Variants in PHLPP1 observed in about 807,000 individuals in gnomAD.
The protein encoded by PHLPP1 is PH domain leucine-rich repeat-containing protein phosphatase 1.
Under a neutral mutation model 117.2 loss-of-function variants are expected in PHLPP1, and 42 were observed. The ratio of observed to expected loss-of-function variants is 0.36; its 90% confidence interval spans 0.28 to 0.46. PHLPP1 has a LOEUF of 0.46. PHLPP1 is among the 20% of genes least tolerant of loss of function. PHLPP1 has a pLI of 1.00. For synonymous variants in PHLPP1, 1,042 were observed against 970.7 expected (o/e 1.07, Z -1.37); for missense variants, 2,084 against 2,241.9 (o/e 0.93, Z 1.42).
chr18:62,836,480 T>A (rs1259512521), intron 2 of PHLPP1, among the ~76,000 whole-genome samples: 1 of 93,094 alleles, frequency 1.1e-5, no homozygotes, highest in Admixed American at 1.3e-4. Flanking sequence ...AATAAATAAA[T>A]AAATAAAAAT....
At chr18:62,718,213 T>C (rs1042378074) in intron 1 of PHLPP1, among the ~76,000 whole-genome samples, 1 of 152,238 alleles carries the variant, frequency 6.6e-6, no homozygotes, top group Admixed American at 6.5e-5. Context: ...AATAATTATG[T>C]TCTCAGTGAT....
rs1911284209 is a variant in PHLPP1 at position 62,978,792 on chromosome 18, G to A, written c.4515G>A (p.Glu1505=). The change falls in exon 17 of 17, where the codon GAG becomes GAA. Residue 1505 remains glutamate (E), a synonymous_variant. Coordinates refer to ENST00000262719, the MANE Select transcript of PHLPP1 (RefSeq NM_194449.4). This position sits in a 1 kb window ranked among gnomAD's most constrained non-coding sequence, Gnocchi z 7.0. ...AGCCCCCGCCCGGAGCCCTAAGCGA[G>A]AACAGCCCTGCCTACCCCAGTGAGC... The part of the protein sequence containing the change: ...SDEPPPGALS[E]NSPAYPSEQR... 1.2e-6 allele frequency: 2 copies of A among 1,612,320 alleles called. No homozygotes were observed. The highest frequency in any genetic ancestry group is 1.7e-6 in the Non-Finnish European group (2 of 1,179,392).
chr18:62,880,526 T>C (rs1487201602), intron 4 of PHLPP1, among the ~76,000 whole-genome samples: 1 of 152,120 alleles, frequency 6.6e-6, no homozygotes, highest in East Asian at 1.9e-4. Context: ...TGTTTTGTTA[T>C]TGTAATATTT....
At chr18:62,816,835 G>A (rs1914293023) in intron 1 of PHLPP1, among the ~76,000 whole-genome samples, 1 of 151,936 alleles carries the variant, frequency 6.6e-6, no homozygotes, top group African/African-American at 2.4e-5. Flanking sequence ...TATTAAATAA[G>A]ACATCATTTC....
At position 62,715,775 on chromosome 18, in the gene PHLPP1, C is replaced by G. The variant is rs1910701742; in HGVS notation, c.92C>G (p.Ala31Gly). 3.3e-6 allele frequency: 3 copies of G among 902,090 alleles called. No homozygotes were observed. Among genetic ancestry groups the G allele is most frequent in the Non-Finnish European group, 4.1e-6 (3 of 733,840 alleles). The allele number at this position is 902,090 out of a possible 1,614,324, so 55.9% of individuals were successfully genotyped here. ...GCTCCGGCGGCCGCCGCTGCGGCAG[C>G]AGCAGCAGCAGCGGCGGCCGCGGCG... ...ASAPAAAAAA[A>G]AAAAAAAAAL... The change falls in exon 1 of 17, where the codon GCA becomes GGA. Residue 31 changes from alanine (A) to glycine (G), a missense_variant. Around this residue, in one of 2 missense-constraint regions of PHLPP1, gnomAD observed 719 missense variants for 636.0 expected, o/e 1.13. Coordinates refer to ENST00000262719, the MANE Select transcript of PHLPP1 (RefSeq NM_194449.4).
At chr18:62,782,248 A>C (rs1425634991) in intron 1 of PHLPP1, among the ~76,000 whole-genome samples, 2 of 152,186 alleles carry the variant, frequency 1.3e-5, no homozygotes, top group African/African-American at 2.4e-5. Flanking sequence ...GGTGTCTCCT[A>C]ATCCTGATTT....
intron 8 of PHLPP1, among the ~76,000 whole-genome samples, chr18:62,914,116 G>T (rs1398551300): frequency 1.3e-5 from 2 of 152,054 alleles, no homozygotes; most frequent in African/African-American, 4.8e-5. Context: ...AATTAATTCT[G>T]AGTCTTAACT....
chr18:62,948,661 T>C (rs906573222), intron 12 of PHLPP1, among the ~76,000 whole-genome samples: 6 of 151,886 alleles, frequency 4.0e-5, no homozygotes, highest in Non-Finnish European at 8.8e-5. Context: ...GATAGAAGTT[T>C]TGTTGTTGGG....
intron 1 of PHLPP1, among the ~76,000 whole-genome samples, chr18:62,746,055 T>G (rs562226924): frequency 1.3e-5 from 2 of 152,292 alleles, no homozygotes; most frequent in South Asian, 4.1e-4. Flanking sequence ...TAATTTTTTT[T>G]TTTTTGAGAC....
chr18:62,785,222 C>T (rs974971405), intron 1 of PHLPP1, among the ~76,000 whole-genome samples: 1 of 152,182 alleles, frequency 6.6e-6, no homozygotes, highest in Admixed American at 6.5e-5. Context: ...ACAGTGATGT[C>T]ACAGTCAGTA....
chr18:62,725,279 G>A (rs1911035846), intron 1 of PHLPP1, among the ~76,000 whole-genome samples: 2 of 150,978 alleles, frequency 1.3e-5, no homozygotes, highest in South Asian at 4.2e-4. Context: ...AGAATCGCTT[G>A]AACCCGGGAG....
chr18:62,918,694 T>C (rs1013285731), intron 9 of PHLPP1, among the ~76,000 whole-genome samples: 7 of 152,140 alleles, frequency 4.6e-5, no homozygotes, highest in African/African-American at 1.7e-4. Context: ...CCTAATGTTA[T>C]GGAGATTTTT....
chr18:62,971,541 A>G (rs2144489711), intron 14 of PHLPP1, among the ~76,000 whole-genome samples: 1 of 152,056 alleles, frequency 6.6e-6, no homozygotes. Context: ...GACTCTGGCC[A>G]CCTTGTCCTC....
intron 1 of PHLPP1, among the ~76,000 whole-genome samples, chr18:62,756,633 A>G (rs905001150): frequency 2.0e-5 from 3 of 152,170 alleles, no homozygotes; most frequent in African/African-American, 4.8e-5. Flanking sequence ...CGGCGGTTCT[A>G]CATAACACTT....
chr18:62,723,484 C>A (rs1326502912), intron 1 of PHLPP1, among the ~76,000 whole-genome samples: 4 of 152,158 alleles, frequency 2.6e-5, no homozygotes, highest in Non-Finnish European at 4.4e-5. Context: ...TTCTCACATT[C>A]TGTTTAAGCA....
chr18:62,829,233 T>C (rs1425815155), intron 1 of PHLPP1, among the ~76,000 whole-genome samples: 1 of 152,204 alleles, frequency 6.6e-6, no homozygotes, highest in Non-Finnish European at 1.5e-5. Flanking sequence ...AATATTTCTT[T>C]TCTAATGTTT....
chr18:62,773,378 A>G (rs1271921971), intron 1 of PHLPP1, among the ~76,000 whole-genome samples: 2 of 151,972 alleles, frequency 1.3e-5, no homozygotes, highest in East Asian at 3.8e-4. Flanking sequence ...GTACTTCATG[A>G]TTTTTTTTGG....
In PHLPP1 at chr18:62,978,822, C is replaced by T. The variant is rs375030412; in HGVS notation, c.4545C>T (p.Arg1515=). The T allele has an allele frequency of 1.1e-5, 17 of 1,610,110 alleles. No homozygotes were observed. In the African/African-American group the frequency reaches 2.0e-4, roughly 19 times the overall value. Reference sequence around the variant, plus strand: ...GCCCTGCCTACCCCAGTGAGCAGCGCTGCATGCTCCACCCCATCTGTCTGT... The same window carrying T: ...GCCCTGCCTACCCCAGTGAGCAGCGTTGCATGCTCCACCCCATCTGTCTGT... ...ENSPAYPSEQ[R]CMLHPICLSN... Residue 1515 remains arginine, a synonymous_variant, in exon 17 of 17, where the codon CGC becomes CGT. Transcript: ENST00000262719. The surrounding 1 kb of genome is among the most constrained non-coding windows in gnomAD (Gnocchi z 7.0).
In PHLPP1 at chr18:62,972,687, A is replaced by G; in HGVS notation, c.3734A>G (p.Asn1245Ser). The change falls in exon 15 of 17, where the codon AAT becomes AGT. Residue 1245 changes from asparagine (N) to serine (S), a missense_variant. By Grantham distance (46) the Asn-to-Ser change is conservative. This residue lies in a region of PHLPP1 where 1,365 missense variants were observed against 1,605.9 expected (regional missense o/e 0.85). Transcript: ENST00000262719. ...AAAAACGAAGAAGAATACATGGTCA[A>G]TACATTCATTGTCATGCAAAGGTAA... ...KTKNEEEYMV[N>S]TFIVMQRKLG... 1.2e-6 allele frequency: 2 copies of G among 1,612,976 alleles called. No homozygotes were observed. Among genetic ancestry groups the G allele is most frequent in the Non-Finnish European group, 1.7e-6 (2 of 1,178,990 alleles).
Sources: gnomAD v4.1 joint callset for allele counts (sites outside exome capture counted in the v4.1 genomes callset) on GRCh38, gnomAD v4.1.1 for gene constraint, gnomAD v4.1.1 regional missense constraint, Gnocchi (gnomAD v3.1) non-coding constraint, MANE v1.5 for transcripts, NCBI Gene and HGNC (gene_info 2026-07-23, HGNC 2026-07-21) for gene names.